Variants in LDAH observed in about 807,000 individuals in gnomAD.
The protein encoded by LDAH is lipid droplet associated hydrolase.
In LDAH, 26 loss-of-function variants were observed where a neutral mutation model predicts 29.6. The observed-to-expected ratio is 0.88, with a 90% CI of 0.64 to 1.22. The LOEUF is 1.22. Ranked by LOEUF, LDAH falls within the 50% of genes most tolerant of loss-of-function variation. LDAH has a pLI of 0.00. For synonymous variants in LDAH, 117 were observed against 133.0 expected, an observed-to-expected ratio of 0.88 and a Z score of 0.83; for missense variants, 344 against 387.3, an observed-to-expected ratio of 0.89 and a Z score of 0.94.
chr2:20,791,320 G>C (rs1186518543), intron 2 of LDAH, among the ~76,000 whole-genome samples: 1 of 152,134 alleles, frequency 6.6e-6, no homozygotes, highest in Non-Finnish European at 1.5e-5. Context: ...CCTCTGCCTT[G>C]GTTTCCTCAT....
intron 5 of LDAH, among the ~76,000 whole-genome samples, chr2:20,712,151 G>A (rs1487715608): frequency 6.6e-6 from 1 of 152,194 alleles, no homozygotes; most frequent in African/African-American, 2.4e-5. Context: ...CCTCATACAG[G>A]TGGGTGCCCC....
intron 3 of LDAH, among the ~76,000 whole-genome samples, chr2:20,784,977 T>G (rs980116060): frequency 1.7e-4 from 26 of 152,202 alleles, no homozygotes; most frequent in African/African-American, 5.8e-4. Flanking sequence ...CAACTGAGTA[T>G]TCCCAATTCC....
At chr2:20,814,517 G>A (rs1672722724) in intron 1 of LDAH, among the ~76,000 whole-genome samples, 1 of 151,972 alleles carries the variant, frequency 6.6e-6, no homozygotes, top group Admixed American at 6.6e-5. Flanking sequence ...CTGGAATACA[G>A]GGGCACAATC....
chr2:20,787,558 T>G (rs989662421), intron 3 of LDAH, among the ~76,000 whole-genome samples: 5 of 152,158 alleles, frequency 3.3e-5, no homozygotes, highest in Admixed American at 3.3e-4. Flanking sequence ...CCTCCCAAAG[T>G]GCTGGGATTA....
chr2:20,760,055 C>A (rs1403144262), intron 4 of LDAH, among the ~76,000 whole-genome samples: 1 of 152,166 alleles, frequency 6.6e-6, no homozygotes, highest in Non-Finnish European at 1.5e-5. Flanking sequence ...ATCAAATAAT[C>A]ACCAGGCAAG....
intron 4 of LDAH, among the ~76,000 whole-genome samples, chr2:20,751,828 A>G (rs1667993620): frequency 6.6e-6 from 1 of 152,230 alleles, no homozygotes; most frequent in South Asian, 2.1e-4. Flanking sequence ...ATACTGTATC[A>G]ATGATGAGTG....
At chr2:20,693,428 G>A (rs1350302556) in intron 6 of LDAH, among the ~76,000 whole-genome samples, 11 of 152,168 alleles carry the variant, frequency 7.2e-5, no homozygotes, top group African/African-American at 2.4e-4. Context: ...AAACAAAGTT[G>A]TTTTACCATA....
In LDAH at chr2:20,774,856, C is replaced by A. The variant is rs372164092; in HGVS notation, c.422G>T (p.Gly141Val). The stretch of plus-strand genomic sequence containing the variant: ...CAGCATCTGAAGTGTGAAATAGCTG[C>A]CTATTGAATGGCCAATGAGCACAAG... The part of the protein sequence containing the change: ...MKLVLIGHSI[G>V]SYFTLQMLKR... Residue 141 changes from glycine (G) to valine (V), a missense_variant, in exon 4 of 7, where the codon GGC becomes GTC. By Grantham distance (109) the Gly-to-Val change is moderately radical. Coordinates refer to ENST00000237822, the MANE Select transcript of LDAH (RefSeq NM_021925.4). The A allele has an allele frequency of 3.1e-6, 5 of 1,613,324 alleles. No individual in the cohort carries two copies. The highest frequency in any genetic ancestry group is 4.2e-6 in the Non-Finnish European group (5 of 1,179,968).
In LDAH at chr2:20,684,947, G is replaced by A; in HGVS notation, c.*1956C>T. ...ACCTATGAAAAAAGCAATGAGAAAG[G>A]TGGCTTTTCACTTTAAAAGAGAGAC... is the stretch of plus-strand genomic sequence containing the variant. On this transcript the variant is annotated 3_prime_UTR_variant, in exon 7 of 7. Transcript: ENST00000237822. 6.5e-7 allele frequency: 1 copy of A among 1,549,240 alleles called. No homozygotes were observed. The highest frequency in any genetic ancestry group is 8.7e-7 in the Non-Finnish European group (1 of 1,146,468).
intron 5 of LDAH, among the ~76,000 whole-genome samples, chr2:20,715,199 A>G (rs1391694615): frequency 6.6e-6 from 1 of 152,242 alleles, no homozygotes; most frequent in African/African-American, 2.4e-5. Flanking sequence ...AGTTGGCTTC[A>G]TCCCTGGGAC....
Position 20,685,391 on chromosome 2 carries a change from C to T in LDAH, c.*1512G>A, listed in dbSNP as rs1662485042. 1 of 880,280 alleles carries T rather than the reference C, an allele frequency of 1.1e-6. No individual in the cohort carries two copies. Among genetic ancestry groups the T allele is most frequent in the African/African-American group, 1.7e-5 (1 of 58,344 alleles). The allele number at this position is 880,280 out of a possible 1,614,324, so 54.5% of individuals were successfully genotyped here. The stretch of plus-strand genomic sequence containing the variant: ...TCTCATGCAGATGCCAATAAAGGAT[C>T]TGTGTACAGCCCTGTGCTTACGGCC... On this transcript the variant is annotated 3_prime_UTR_variant, in exon 7 of 7. Transcript: ENST00000237822.
At chr2:20,820,240 T>C (rs2125177164) in intron 1 of LDAH, among the ~76,000 whole-genome samples, 1 of 152,084 alleles carries the variant, frequency 6.6e-6, no homozygotes, top group South Asian at 2.1e-4. Flanking sequence ...CCAATGACTT[T>C]CTTCATGGAA....
intron 1 of LDAH, among the ~76,000 whole-genome samples, chr2:20,806,088 T>A (rs955578694): frequency 6.6e-6 from 1 of 152,120 alleles, no homozygotes; most frequent in African/African-American, 2.4e-5. Flanking sequence ...TGATAACAAC[T>A]TTTTTAAGGT....
In LDAH at chr2:20,720,538, A is replaced by G. The variant is rs186469854; in HGVS notation, c.704-18886T>C. Among the ~76,000 whole-genome samples, 44 of 152,278 alleles carry G rather than the reference A, an allele frequency of 2.9e-4. 1 individual carries two copies. Among genetic ancestry groups the G allele is most frequent in the Non-Finnish European group, 5.4e-4 (37 of 67,986 alleles). On this transcript the variant is annotated intron_variant, in intron 5 of 6. Coordinates refer to ENST00000237822, the MANE Select transcript of LDAH (RefSeq NM_021925.4). Reference sequence around the variant, plus strand: ...GAAGGGTTAATATCATTGAAATGTTATATGACCCAAAGCAATCTACAGATT... The same window carrying G: ...GAAGGGTTAATATCATTGAAATGTTGTATGACCCAAAGCAATCTACAGATT...
chr2:20,774,956 C>T lies in LDAH; in HGVS notation c.322G>A (p.Asp108Asn). 6.3e-7 allele frequency: 1 copy of T among 1,595,502 alleles called. No individual in the cohort carries two copies. Among genetic ancestry groups the T allele is most frequent in the Non-Finnish European group, 8.6e-7 (1 of 1,166,942 alleles). ...ATTTGTCCATTTAGTCCATAAATGT[C>T]CTTAATTTCTTGAGCGTTTGAATCT... ...SEDSNAQEIKDIYGLNGQIEH... is the reference protein window; with the variant it reads ...SEDSNAQEIKNIYGLNGQIEH... Residue 108 changes from aspartate to asparagine, a missense_variant, in exon 4 of 7, where the codon GAC (aspartate) becomes AAC (asparagine). By Grantham distance (23) the Asp-to-Asn change is conservative (BLOSUM62 1). Coordinates refer to ENST00000237822, the MANE Select transcript of LDAH (RefSeq NM_021925.4).
At chr2:20,703,504 TCTTA>T (rs1457466098) in intron 5 of LDAH, among the ~76,000 whole-genome samples, 3 of 152,232 alleles carry the variant, frequency 2.0e-5, no homozygotes, top group Admixed American at 1.3e-4. Flanking sequence ...ATTATTCTAT[TCTTA>T]CTTAAATAAT....
chr2:20,761,931 C>G (rs1012587009), intron 4 of LDAH, among the ~76,000 whole-genome samples: 5 of 150,966 alleles, frequency 3.3e-5, no homozygotes, highest in African/African-American at 4.9e-5. Context: ...TATGTCATTA[C>G]AGAAAATTCA....
intron 6 of LDAH, among the ~76,000 whole-genome samples, chr2:20,690,632 C>T (rs1662936580): frequency 6.6e-6 from 1 of 152,116 alleles, no homozygotes; most frequent in African/African-American, 2.4e-5. Context: ...GACCGGAGAA[C>T]TCCGCACCTG....
At chr2:20,805,074 G>A (rs1425607721) in intron 1 of LDAH, among the ~76,000 whole-genome samples, 2 of 152,232 alleles carry the variant, frequency 1.3e-5, no homozygotes, top group East Asian at 1.9e-4. Flanking sequence ...ACCTTCACCA[G>A]AAGAGAATTT....
Sources: gnomAD v4.1 joint callset for allele counts (sites outside exome capture counted in the v4.1 genomes callset) on GRCh38, gnomAD v4.1.1 for gene constraint, MANE v1.5 for transcripts, NCBI Gene and HGNC (gene_info 2026-07-23, HGNC 2026-07-21) for gene names.